Variants in MPDZ observed in about 807,000 individuals in gnomAD.
The protein encoded by MPDZ is multiple PDZ domain crumbs cell polarity complex component.
In MPDZ, 234 loss-of-function variants were observed where a neutral mutation model predicts 239.1. The ratio of observed to expected loss-of-function variants is 0.98; its 90% CI spans 0.88 to 1.09. The LOEUF is 1.09. Among genes scored for constraint, MPDZ ranks in the 50% least tolerant of loss-of-function variants. The pLI is 0.00. For missense variants in MPDZ, 3,175 were observed against 2,510.0 expected, an observed-to-expected ratio of 1.26 and a Z score of -5.66; for synonymous variants, 1,048 against 881.3, an observed-to-expected ratio of 1.19 and a Z score of -3.35.
intron 1 of MPDZ, among the ~76,000 whole-genome samples, chr9:13,250,921 G>C (rs545747744): frequency 4.0e-5 from 6 of 151,864 alleles, no homozygotes; most frequent in African/African-American, 1.2e-4. Context: ...TTGAGGTCAG[G>C]AGTTCGAGAC....
chr9:13,128,852 C>T (rs532186898), intron 32 of MPDZ, among the ~76,000 whole-genome samples: 5 of 152,232 alleles, frequency 3.3e-5, no homozygotes, highest in African/African-American at 1.2e-4. Flanking sequence ...CATTCTAAAA[C>T]CATGAGAAAG....
At chr9:13,278,668 A>G (rs941652210) in intron 1 of MPDZ, among the ~76,000 whole-genome samples, 1 of 152,104 alleles carries the variant, frequency 6.6e-6, no homozygotes, top group African/African-American at 2.4e-5. Context: ...TGAGGAGACT[A>G]AGGGAGAGAC....
intron 1 of MPDZ, among the ~76,000 whole-genome samples, chr9:13,269,039 G>T (rs187330744): frequency 1.3e-5 from 2 of 152,236 alleles, no homozygotes; most frequent in East Asian, 3.9e-4. Context: ...AGAAAAAGAT[G>T]AGAGCCTAGA....
At chr9:13,244,956 T>G (rs1479714229) in intron 3 of MPDZ, among the ~76,000 whole-genome samples, 1 of 152,132 alleles carries the variant, frequency 6.6e-6, no homozygotes, top group Non-Finnish European at 1.5e-5. Flanking sequence ...AGGGTCGTAT[T>G]TTCTAATAAT....
At position 13,147,774 on chromosome 9, in the gene MPDZ, C is replaced by A. The variant is rs41265284; in HGVS notation, c.3631-116G>T. ...ACTCCTAGAAAATCTGTTTTAATAT[C>A]AAAAATAATTGAGACTACATGTGAA... On this transcript the variant is annotated intron_variant, in intron 25 of 46. Transcript: ENST00000319217. The A allele has an allele frequency of 6.4e-3, 4,458 of 695,678 alleles. 21 individuals are homozygous for A. Among genetic ancestry groups the A allele is most frequent in the Non-Finnish European group, 8.3e-3 (3,420 of 412,868 alleles). 43.1% of individuals were successfully genotyped at this position (695,678 alleles called of 1,614,324 possible).
chr9:13,126,305 T>C (rs937296190), intron 34 of MPDZ, among the ~76,000 whole-genome samples: 1 of 152,196 alleles, frequency 6.6e-6, no homozygotes, highest in Non-Finnish European at 1.5e-5. Context: ...CAGTGAATAT[T>C]GAATAATTTG....
intron 35 of MPDZ, among the ~76,000 whole-genome samples, chr9:13,124,015 T>G (rs538568427): frequency 6.6e-6 from 1 of 152,342 alleles, no homozygotes; most frequent in Admixed American, 6.5e-5. Flanking sequence ...AGTCTTCATA[T>G]CATATGTTTT....
intron 39 of MPDZ, among the ~76,000 whole-genome samples, chr9:13,116,586 T>G (rs1246714418): frequency 6.6e-6 from 1 of 152,222 alleles, no homozygotes; most frequent in East Asian, 1.9e-4. Context: ...TACCAAACTC[T>G]TCTTGAAACT....
chr9:13,170,149 AT>A (rs1245539391), intron 21 of MPDZ, among the ~76,000 whole-genome samples: 1 of 152,174 alleles, frequency 6.6e-6, no homozygotes, highest in Non-Finnish European at 1.5e-5. Flanking sequence ...CTACCAGGGT[AT>A]TTATAAAAAC....
chr9:13,268,503 A>C (rs16930210), intron 1 of MPDZ, among the ~76,000 whole-genome samples: 1 of 152,208 alleles, frequency 6.6e-6, no homozygotes, highest in African/African-American at 2.4e-5. Flanking sequence ...GAGGATAACT[A>C]TCTAACTTCT....
At chr9:13,119,138 G>C (rs1001612086) in intron 39 of MPDZ, among the ~76,000 whole-genome samples, 4 of 152,048 alleles carry the variant, frequency 2.6e-5, no homozygotes, top group Non-Finnish European at 5.9e-5. Context: ...TTGAGACAGG[G>C]TTTCTGTCAC....
At chr9:13,197,076 T>A (rs2135312391) in intron 12 of MPDZ, among the ~76,000 whole-genome samples, 1 of 151,944 alleles carries the variant, frequency 6.6e-6, no homozygotes, top group Non-Finnish European at 1.5e-5. Context: ...GGAGCTTTCA[T>A]TCCAGGCATA....
chr9:13,229,366 G>A (rs1345320773), intron 3 of MPDZ, among the ~76,000 whole-genome samples: 1 of 151,878 alleles, frequency 6.6e-6, no homozygotes, highest in Admixed American at 6.6e-5. Flanking sequence ...GACTAGAATG[G>A]CATATCATAG....
At chr9:13,113,823 G>C in intron 41 of MPDZ, 108 bp downstream of exon 41, 1 of 833,878 alleles carries the variant, frequency 1.2e-6, no homozygotes, top group Non-Finnish European at 1.9e-6. Flanking sequence ...ACCTATATTT[G>C]GATATGGGAT....
Position 13,107,045 on chromosome 9 carries a change from G to C in MPDZ, c.6133C>G (p.Leu2045Val). 1 of 1,611,424 alleles carries C rather than the reference G, an allele frequency of 6.2e-7. No individual in the cohort carries two copies. Among genetic ancestry groups the C allele is most frequent in the South Asian group, 1.1e-5 (1 of 90,820 alleles). The change falls in exon 47 of 47, where the codon CTA becomes GTA. Residue 2045 changes from leucine (L) to valine (V), a missense_variant. Leu to Val is a conservative substitution (Grantham distance 32). Coordinates refer to ENST00000319217, the MANE Select transcript of MPDZ (RefSeq NM_001378778.1). ...GCTTCTTCATGGGTGACTCCTTCTAGACTCTGCCCATTGACAGCAATGATC... is the reference window on the plus strand; with the variant it reads ...GCTTCTTCATGGGTGACTCCTTCTACACTCTGCCCATTGACAGCAATGATC... Reference protein sequence around the residue: ...DQIIAVNGQSLEGVTHEEAVA... With the variant: ...DQIIAVNGQSVEGVTHEEAVA...
intron 1 of MPDZ, among the ~76,000 whole-genome samples, chr9:13,272,180 T>A (rs1196331844): frequency 6.6e-6 from 1 of 152,100 alleles, no homozygotes; most frequent in African/African-American, 2.4e-5. Flanking sequence ...TTATAACTTA[T>A]ACCACAATAA....
chr9:13,156,666 G>C (rs1033523707), intron 24 of MPDZ, among the ~76,000 whole-genome samples: 1 of 152,144 alleles, frequency 6.6e-6, no homozygotes, highest in African/African-American at 2.4e-5. Flanking sequence ...GGGACACAGA[G>C]CCAAACTATA....
rs369723348 is a variant in MPDZ, at chr9:13,113,618, T to G, written c.5557+313A>C. 2.0e-5 allele frequency among the ~76,000 whole-genome samples: 3 copies of G among 152,336 alleles called. No homozygotes were observed. The East Asian group carries it at 5.8e-4, about 29-fold the overall frequency. Reference sequence around the variant, plus strand: ...AAAGAAGGCTTCACTTAATGGCATCTTCTGATTTACTGGTGTTACATTAAA... The same window carrying G: ...AAAGAAGGCTTCACTTAATGGCATCGTCTGATTTACTGGTGTTACATTAAA... On this transcript the variant is annotated intron_variant, in intron 41 of 46. Transcript: ENST00000319217.
In MPDZ at chr9:13,176,131, A is replaced by G. The variant is rs745742801; in HGVS notation, c.2931+5T>C. ...AAAACACAAACCATATCTTTAAAAT[A>G]TTACCTTTCCAGCTGAATCGGGTAG... On this transcript the variant is annotated splice_donor_5th_base_variant and intron_variant, in intron 20 of 46. Transcript: ENST00000319217. The G allele has an allele frequency of 6.3e-7, 1 of 1,576,890 alleles. No homozygotes were observed. The highest frequency in any genetic ancestry group is 8.6e-7 in the Non-Finnish European group (1 of 1,160,018).
Sources: allele counts gnomAD v4.1 joint callset (sites outside exome capture counted in the v4.1 genomes callset), GRCh38; gene constraint gnomAD v4.1.1; transcripts MANE v1.5; gene names NCBI Gene and HGNC (gene_info 2026-07-23, HGNC 2026-07-21).